Variants in SLC4A5 observed in about 807,000 individuals in gnomAD.
SLC4A5 encodes the protein solute carrier family 4 member 5.
In SLC4A5, 96 loss-of-function variants were observed where a neutral mutation model predicts 120.4. The ratio of observed to expected loss-of-function variants is 0.80; its 90% CI spans 0.68 to 0.94. The LOEUF (loss-of-function observed/expected upper bound fraction) is 0.94, where lower values mean the gene tolerates loss of function less well. Ranked by LOEUF, SLC4A5 falls within the 40% of genes least tolerant of loss-of-function variation. SLC4A5 has a pLI of 0.00. For missense variants in SLC4A5, 1,259 were observed against 1,459.5 expected (o/e 0.86, Z 2.24); for synonymous variants, 550 against 571.1 (o/e 0.96, Z 0.53).
chr2:74,341,130 C>T (rs1199276349), intron 2 of SLC4A5, among the ~76,000 whole-genome samples: 2 of 151,976 alleles, frequency 1.3e-5, no homozygotes, highest in Admixed American at 6.6e-5. Flanking sequence ...CATGGTGAAA[C>T]CCCATCTCTA....
intron 25 of SLC4A5, 32 bp from the exon 26 acceptor site, chr2:74,227,910 C>G: frequency 6.4e-7 from 1 of 1,551,150 alleles, no homozygotes; most frequent in African/African-American, 1.4e-5. Flanking sequence ...GGATCGGCCT[C>G]TGCCTGGGGC....
intron 9 of SLC4A5, 50 bp from the exon 10 acceptor site, chr2:74,264,349 G>A (rs1449621504): frequency 6.4e-7 from 1 of 1,552,322 alleles, no homozygotes; most frequent in African/African-American, 1.4e-5. Context: ...AACAGCTCCA[G>A]GGTATGGAAG....
At chr2:74,291,467 G>A (rs1213054528) in intron 7 of SLC4A5, among the ~76,000 whole-genome samples, 3 of 152,162 alleles carry the variant, frequency 2.0e-5, no homozygotes, top group Non-Finnish European at 4.4e-5. Context: ...TTTCACGGAT[G>A]AGAAAACCAA....
intron 18 of SLC4A5, 118 bp from the exon 19 acceptor site, chr2:74,247,425 G>T (rs1018298101): frequency 2.7e-6 from 3 of 1,104,396 alleles, no homozygotes; most frequent in Non-Finnish European, 3.8e-6. Context: ...GCCCTCCCAG[G>T]GACTGTGAAA....
chr2:74,278,451 C>A (rs969894701), intron 8 of SLC4A5, among the ~76,000 whole-genome samples: 1 of 152,280 alleles, frequency 6.6e-6, no homozygotes, highest in African/African-American at 2.4e-5. Context: ...CTTTGAAGGT[C>A]TCTTTTGCAG....
intron 8 of SLC4A5, among the ~76,000 whole-genome samples, chr2:74,283,874 G>A (rs1422541636): frequency 7.1e-6 from 1 of 141,502 alleles, no homozygotes; most frequent in Admixed American, 7.2e-5. Context: ...GTCTCACTCT[G>A]TTGTCCAGGT....
rs754476071 is a variant in SLC4A5, at chr2:74,247,518, C to CT, written c.1788-212dup. Among the ~76,000 whole-genome samples the CT allele has an allele frequency of 7.2e-3, 1,044 of 145,090 alleles. 4 individuals carry two copies. Among genetic ancestry groups the CT allele is most frequent in the Middle Eastern group, 0.018 (5 of 284 alleles). ...GGTCCAGTGTTCATCTTTATAAGAACTTTTTTTTTTTTTTGAGAAAGAGTC... is the reference window on the plus strand; with the variant it reads ...GGTCCAGTGTTCATCTTTATAAGAACTTTTTTTTTTTTTTTGAGAAAGAGTC... On this transcript the variant is annotated intron_variant, in intron 18 of 30. Transcript: ENST00000394019.
At chr2:74,256,830 T>C (rs927398326) in intron 12 of SLC4A5, among the ~76,000 whole-genome samples, 1 of 152,142 alleles carries the variant, frequency 6.6e-6, no homozygotes, top group Non-Finnish European at 1.5e-5. Context: ...GAGACAGAGA[T>C]AATTTTGTCG....
chr2:74,307,982 G>A (rs73948759), intron 6 of SLC4A5: 6,288 of 563,408 alleles, frequency 0.011, 345 homozygotes, highest in African/African-American at 0.11. Flanking sequence ...AGTTGGAGGA[G>A]AAGGTGGAAC....
intron 5 of SLC4A5, among the ~76,000 whole-genome samples, chr2:74,316,621 G>T (rs1198720209): frequency 6.6e-6 from 1 of 152,152 alleles, no homozygotes; most frequent in Admixed American, 6.5e-5. Flanking sequence ...GCCAGGCAAG[G>T]GTTAAGTTAT....
In SLC4A5 at chr2:74,255,941, G is replaced by A; in HGVS notation, c.868-9C>T. The A allele has an allele frequency of 6.2e-7, 1 of 1,612,808 alleles. No homozygotes were observed. The highest frequency in any genetic ancestry group is 8.5e-7 in the Non-Finnish European group (1 of 1,178,908). On this transcript the variant is annotated splice_polypyrimidine_tract_variant and intron_variant, in intron 12 of 30. Coordinates refer to ENST00000394019, the Ensembl canonical transcript of SLC4A5. This position sits in a 1 kb window ranked among gnomAD's most constrained non-coding sequence, Gnocchi z 4.0. ...ATGAATTTGTTTTTCCGCTGGACAGGGAGGGGAAACGAGATAGCCAAGGAG... is the reference window on the plus strand; with the variant it reads ...ATGAATTTGTTTTTCCGCTGGACAGAGAGGGGAAACGAGATAGCCAAGGAG...
In SLC4A5 at chr2:74,341,461, T is replaced by C. The variant is rs187380379; in HGVS notation, c.-270+997A>G. Among the ~76,000 whole-genome samples the C allele has an allele frequency of 3.0e-3, 450 of 152,290 alleles. 3 individuals carry two copies. The highest frequency in any genetic ancestry group is 0.011 in the African/African-American group (442 of 41,570). On this transcript the variant is annotated intron_variant, in intron 2 of 30. Coordinates refer to ENST00000394019, the Ensembl canonical transcript of SLC4A5. ...CACGCATCTGTTAAATAACCTTGTATCTGACTTTGGATTTTAAGCTTTCTG... is the reference window on the plus strand; with the variant it reads ...CACGCATCTGTTAAATAACCTTGTACCTGACTTTGGATTTTAAGCTTTCTG...
intron 21 of SLC4A5, among the ~76,000 whole-genome samples, chr2:74,237,516 G>T (rs149915225): frequency 7.2e-5 from 11 of 152,048 alleles, no homozygotes; most frequent in African/African-American, 2.7e-4. Flanking sequence ...TTTTTACTCA[G>T]TTTATATACT....
At chr2:74,307,530 T>C (rs1364628108) in intron 6 of SLC4A5, 3 of 621,894 alleles carry the variant, frequency 4.8e-6, no homozygotes, top group African/African-American at 1.8e-5. Flanking sequence ...TCTAAAGTCA[T>C]TGGCAGCAAG....
At chr2:74,253,001 G>A (rs1197806274) in exon 15 of SLC4A5, 1 of 1,614,016 alleles carries the variant, frequency 6.2e-7, no homozygotes, top group African/African-American at 1.3e-5. Context: ...CACCTTCTTG[G>A]GGGGCTCAAT....
intron 8 of SLC4A5, among the ~76,000 whole-genome samples, chr2:74,277,232 G>T (rs752302685): frequency 6.6e-6 from 1 of 152,164 alleles, no homozygotes; most frequent in Non-Finnish European, 1.5e-5. Context: ...GATGCTGGGT[G>T]GGGGGCTCTT....
At chr2:74,269,289 C>T (rs1290640625) in intron 8 of SLC4A5, among the ~76,000 whole-genome samples, 1 of 152,170 alleles carries the variant, frequency 6.6e-6, no homozygotes, top group Non-Finnish European at 1.5e-5. Flanking sequence ...TCACTGCAAC[C>T]TCTGCCTCCG....
At chr2:74,280,197 A>G (rs1405933996) in intron 8 of SLC4A5, among the ~76,000 whole-genome samples, 1 of 151,816 alleles carries the variant, frequency 6.6e-6, no homozygotes, top group Non-Finnish European at 1.5e-5. Flanking sequence ...CTTTTCCTCT[A>G]TGTGTCTGTT....
At chr2:74,309,832 T>G (rs1672754897) in intron 6 of SLC4A5, among the ~76,000 whole-genome samples, 1 of 151,892 alleles carries the variant, frequency 6.6e-6, no homozygotes, top group Admixed American at 6.6e-5. Flanking sequence ...ATTTTTTTTT[T>G]TGTATTTTTT....
Sources: allele counts gnomAD v4.1 joint callset (sites outside exome capture counted in the v4.1 genomes callset), GRCh38; gene constraint gnomAD v4.1.1; non-coding constraint Gnocchi (gnomAD v3.1); transcripts MANE v1.5; gene names NCBI Gene and HGNC (gene_info 2026-07-23, HGNC 2026-07-21).